The following MAP2 variants were observed in gnomAD, a reference collection of about 807,000 sequenced individuals.
The protein encoded by MAP2 is microtubule associated protein 2.
A neutral mutation model predicts 137.6 loss-of-function variants in MAP2; 14 were observed. The observed-to-expected ratio is 0.10, with a 90% CI of 0.07 to 0.16. The LOEUF is 0.16. Ranked by LOEUF, MAP2 falls within the 10% of genes least tolerant of loss-of-function variation. MAP2 has a pLI of 1.00. For synonymous variants in MAP2, 786 were observed against 782.3 expected (o/e 1.00, Z -0.08); for missense variants, 2,088 against 2,191.5 (o/e 0.95, Z 0.94).
intron 4 of MAP2, among the ~76,000 whole-genome samples, chr2:209,639,338 A>C (rs553882240): frequency 6.6e-6 from 1 of 152,314 alleles, no homozygotes; most frequent in Admixed American, 6.5e-5. Flanking sequence ...TAAATACTGT[A>C]ATTCATGAAA....
chr2:209,656,133 T>C (rs529767914), intron 5 of MAP2, among the ~76,000 whole-genome samples: 1 of 152,302 alleles, frequency 6.6e-6, no homozygotes, highest in Non-Finnish European at 1.5e-5. Flanking sequence ...AATAATAATT[T>C]TTAAAGATGC....
chr2:209,534,519 A>G lies in MAP2; in HGVS notation c.-172+26878A>G, dbSNP rs368444840. Among the ~76,000 whole-genome samples, 5 of 152,338 alleles carry G rather than the reference A, an allele frequency of 3.3e-5. No individual in the cohort carries two copies. The South Asian group carries it at 1.0e-3, about 32-fold the overall frequency. On this transcript the variant is annotated intron_variant, in intron 2 of 15. Coordinates refer to ENST00000682079, the MANE Select transcript of MAP2 (RefSeq NM_001375505.1). ...AGTAATTTCTGGAGGTTTTCAAATT[A>G]TTGTACCAAGGTAGCATTGCTTACC...
At chr2:209,697,130 C>A in intron 10 of MAP2, 79 bp downstream of exon 10, 1 of 1,382,866 alleles carries the variant, frequency 7.2e-7, no homozygotes. Flanking sequence ...GTAGCAGCTT[C>A]TTCATTTTGT....
At chr2:209,501,670 A>G (rs1396429063) in intron 1 of MAP2, among the ~76,000 whole-genome samples, 1 of 152,174 alleles carries the variant, frequency 6.6e-6, no homozygotes, top group Non-Finnish European at 1.5e-5. Flanking sequence ...AATACTACAC[A>G]AAAAGTCTTG....
intron 13 of MAP2, 107 bp downstream of exon 13, chr2:209,710,361 C>T: frequency 1.0e-6 from 1 of 980,662 alleles, no homozygotes; most frequent in Non-Finnish European, 1.5e-6. Context: ...TGTTAAAGAG[C>T]TTGGTTACAA....
chr2:209,732,962 G>A lies in MAP2; in HGVS notation c.*2565G>A, dbSNP rs1395850387. On this transcript the variant is annotated 3_prime_UTR_variant, in exon 16 of 16. Coordinates refer to ENST00000682079, the MANE Select transcript of MAP2 (RefSeq NM_001375505.1). The stretch of plus-strand genomic sequence containing the variant: ...ACACAGGTTAAATATCTTCTTGTGG[G>A]GTTAAGGGGTAGAACCTATCTTGCC... 1 of 152,542 alleles carries A rather than the reference G, an allele frequency of 6.6e-6. No individual in the cohort carries two copies. Among genetic ancestry groups the A allele is most frequent in the African/African-American group, 2.4e-5 (1 of 41,410 alleles). 9.4% of individuals were successfully genotyped at this position (152,542 alleles called of 1,614,324 possible). A position where few individuals can be genotyped will look rare whatever the true frequency, so the allele number is the denominator to read the frequency against.
At chr2:209,560,855 A>G (rs1172088837) in intron 2 of MAP2, among the ~76,000 whole-genome samples, 1 of 152,106 alleles carries the variant, frequency 6.6e-6, no homozygotes, top group East Asian at 1.9e-4. Context: ...TTGCCGTATC[A>G]CTTTATACTC....
chr2:209,640,636 A>G (rs2093947752), intron 4 of MAP2, among the ~76,000 whole-genome samples: 1 of 152,122 alleles, frequency 6.6e-6, no homozygotes, highest in Non-Finnish European at 1.5e-5. Context: ...CACGTTAGAG[A>G]CAGAGCTTTA....
At chr2:209,556,205 T>C (rs1030841897) in intron 2 of MAP2, among the ~76,000 whole-genome samples, 17 of 152,114 alleles carry the variant, frequency 1.1e-4, no homozygotes, top group Middle Eastern at 3.4e-3. Context: ...CATGCCCAGC[T>C]AATTTTTTAA....
intron 1 of MAP2, among the ~76,000 whole-genome samples, chr2:209,467,211 C>T (rs995866687): frequency 6.6e-6 from 1 of 152,082 alleles, no homozygotes; most frequent in Non-Finnish European, 1.5e-5. Flanking sequence ...TTATTCAGGC[C>T]TTCTGTCCCT....
intron 2 of MAP2, among the ~76,000 whole-genome samples, chr2:209,547,200 C>CT (rs1229227442): frequency 6.6e-6 from 1 of 152,098 alleles, no homozygotes; most frequent in Non-Finnish European, 1.5e-5. Flanking sequence ...AAGCATGCCC[C>CT]TTGAGGAGAG....
At position 209,469,353 on chromosome 2, in the gene MAP2, C is replaced by T. The variant is rs532362411; in HGVS notation, c.-221-38239C>T. Among the ~76,000 whole-genome samples, 13 of 152,276 alleles carry T rather than the reference C, an allele frequency of 8.5e-5. 1 individual carries two copies. The East Asian group carries it at 1.7e-3, about 20-fold the overall frequency. On this transcript the variant is annotated intron_variant, in intron 1 of 15. Transcript: ENST00000682079. The stretch of plus-strand genomic sequence containing the variant: ...TGTTCCTGGTTGAAAAGACAGATTC[C>T]GTGCCTTCCGCTGAGTCTTCTTCTC...
chr2:209,501,105 AC>A (rs545592817), intron 1 of MAP2, among the ~76,000 whole-genome samples: 1 of 152,034 alleles, frequency 6.6e-6, no homozygotes, highest in Non-Finnish European at 1.5e-5. Flanking sequence ...CAAACAAAAA[AC>A]ATTTCCATTT....
At chr2:209,505,943 G>A (rs563873612) in intron 1 of MAP2, among the ~76,000 whole-genome samples, 3 of 151,978 alleles carry the variant, frequency 2.0e-5, no homozygotes, top group Non-Finnish European at 2.9e-5. Flanking sequence ...CTGCACTCCC[G>A]ACTAGGTGAC....
intron 1 of MAP2, among the ~76,000 whole-genome samples, chr2:209,434,582 A>G (rs2149318299): frequency 6.6e-6 from 1 of 151,760 alleles, no homozygotes; most frequent in East Asian, 1.9e-4. Context: ...ACTCATGCCT[A>G]TAATCCTAGC....
chr2:209,451,480 G>C (rs1265682098), intron 1 of MAP2, among the ~76,000 whole-genome samples: 2 of 152,308 alleles, frequency 1.3e-5, no homozygotes, highest in South Asian at 2.1e-4. Flanking sequence ...TTTCCTGGCA[G>C]TAGCTGTGGT....
chr2:209,566,028 T>G (rs1463941495), intron 2 of MAP2, among the ~76,000 whole-genome samples: 2 of 152,192 alleles, frequency 1.3e-5, no homozygotes, highest in African/African-American at 4.8e-5. Context: ...TTTTTGTCTG[T>G]TTTTCATTCT....
chr2:209,650,208 C>T (rs2094692789), intron 4 of MAP2, among the ~76,000 whole-genome samples: 1 of 152,182 alleles, frequency 6.6e-6, no homozygotes, highest in African/African-American at 2.4e-5. Flanking sequence ...TAGAGTTAAA[C>T]ATGGACTAAA....
chr2:209,659,251 G>C (rs944932449), intron 5 of MAP2, among the ~76,000 whole-genome samples: 1 of 152,032 alleles, frequency 6.6e-6, no homozygotes, highest in Non-Finnish European at 1.5e-5. Context: ...TTAGATGAGT[G>C]TATTTTTTTT....
Sources: gnomAD v4.1 joint callset for allele counts (sites outside exome capture counted in the v4.1 genomes callset) on GRCh38, gnomAD v4.1.1 for gene constraint, MANE v1.5 for transcripts, NCBI Gene and HGNC (gene_info 2026-07-23, HGNC 2026-07-21) for gene names.